Variants in GPR158 observed in about 807,000 individuals in gnomAD.
The protein encoded by GPR158 is G protein-coupled receptor 158.
In GPR158, 30 loss-of-function variants were observed where a neutral mutation model predicts 78.2. That is an observed-to-expected ratio of 0.38 (90% CI 0.29 to 0.52). The LOEUF is 0.52. GPR158 is among the 20% of genes least tolerant of loss of function. The pLI is 0.83. For synonymous variants in GPR158, 581 were observed against 591.1 expected (o/e 0.98, Z 0.25); for missense variants, 1,463 against 1,523.5 (o/e 0.96, Z 0.66).
intron 1 of GPR158, among the ~76,000 whole-genome samples, chr10:25,204,161 A>G (rs1247356748): frequency 6.6e-6 from 1 of 152,156 alleles, no homozygotes; most frequent in Admixed American, 6.6e-5. Context: ...GGGCTGAGAC[A>G]ATGGGGTTTT....
At chr10:25,545,732 A>G (rs1836654292) in intron 5 of GPR158, among the ~76,000 whole-genome samples, 1 of 152,076 alleles carries the variant, frequency 6.6e-6, no homozygotes, top group African/African-American at 2.4e-5. Flanking sequence ...TCCAAAAATG[A>G]ACATATTATT....
rs149862072 is a variant in GPR158, at chr10:25,233,200, C to T, written c.1008+12043C>T. On this transcript the variant is annotated intron_variant, in intron 2 of 10. Transcript: ENST00000376351. ...TCTTTATTCTAAATATGTGGGTATC[C>T]ACTTTATTTTTATAGCTCTTCAGGA... Among the ~76,000 whole-genome samples the T allele has an allele frequency of 7.2e-5, 11 of 152,228 alleles. No individual in the cohort carries two copies. The East Asian group carries it at 2.1e-3, about 29-fold the overall frequency.
rs1182135846 is a variant in GPR158, at chr10:25,252,895, G to C, written c.1008+31738G>C. Among the ~76,000 whole-genome samples, 1,509 of 152,254 alleles carry C rather than the reference G, an allele frequency of 9.9e-3. 5 individuals are homozygous for C. The highest frequency in any genetic ancestry group is 0.055 in the South Asian group (263 of 4,814). On this transcript the variant is annotated intron_variant, in intron 2 of 10. Coordinates refer to ENST00000376351, the MANE Select transcript of GPR158 (RefSeq NM_020752.3). ...TACCTAAGCAAGCCTGGGCAATGGC[G>C]GGCGCCCCTCCCCCAGCCTCGCTGC...
At chr10:25,418,700 G>A (rs902564646) in intron 4 of GPR158, among the ~76,000 whole-genome samples, 2 of 76,804 alleles carry the variant, frequency 2.6e-5, no homozygotes, top group Non-Finnish European at 3.4e-5. Context: ...TTTATTTTCA[G>A]ATGGAAATTT....
At chr10:25,269,824 A>G (rs1464673013) in intron 2 of GPR158, among the ~76,000 whole-genome samples, 1 of 152,200 alleles carries the variant, frequency 6.6e-6, no homozygotes, top group East Asian at 1.9e-4. Flanking sequence ...AGATCCTGAT[A>G]TCCAAAAGTG....
rs1201570502 is a variant in GPR158 at position 25,238,484 on chromosome 10, A to G, written c.1008+17327A>G. 6.6e-5 allele frequency among the ~76,000 whole-genome samples: 10 copies of G among 152,238 alleles called. 1 individual carries two copies. The highest frequency in any genetic ancestry group is 2.4e-4 in the African/African-American group (10 of 41,472). On this transcript the variant is annotated intron_variant, in intron 2 of 10. Coordinates refer to ENST00000376351, the MANE Select transcript of GPR158 (RefSeq NM_020752.3). ...CTTTTATATACATTTGAAAAACAAG[A>G]CATAAATGGTCAAGGTGTGTTTTTA...
chr10:25,175,558 C>T lies in GPR158; in HGVS notation c.138C>T (p.Ala46=). The stretch of plus-strand genomic sequence containing the variant: ...GGACCCCGAAGGGGAAGCCGCACGC[C>T]CAGCAGCCGGGTCGAGCCTCTGCCT... ...RERTPKGKPH[A]QQPGRASASD... The change falls in exon 1 of 11, where the codon GCC becomes GCT. Residue 46 remains alanine, a synonymous_variant. Transcript: ENST00000376351. The surrounding 1 kb of genome is among the most constrained non-coding windows in gnomAD (Gnocchi z 6.4). The T allele has an allele frequency of 1.2e-6, 2 of 1,611,354 alleles. No individual in the cohort carries two copies. Among genetic ancestry groups the T allele is most frequent in the Non-Finnish European group, 1.7e-6 (2 of 1,179,840 alleles).
intron 4 of GPR158, among the ~76,000 whole-genome samples, chr10:25,444,456 ATG>A (rs1835111336): frequency 1.3e-5 from 2 of 149,632 alleles, no homozygotes; most frequent in African/African-American, 4.9e-5. Context: ...GTGTGAGTGT[ATG>A]TGGGTGTGTG....
chr10:25,408,443 A>C (rs1460611982), intron 3 of GPR158, among the ~76,000 whole-genome samples: 1 of 152,174 alleles, frequency 6.6e-6, no homozygotes, highest in Admixed American at 6.5e-5. Context: ...CATCTTGTCC[A>C]GAAGGGGGAA....
intron 5 of GPR158, among the ~76,000 whole-genome samples, chr10:25,508,767 C>A (rs891433365): frequency 6.6e-6 from 1 of 152,116 alleles, no homozygotes; most frequent in African/African-American, 2.4e-5. Flanking sequence ...TGCTTACTTA[C>A]AGGAAAGAAG....
chr10:25,494,803 T>C (rs564117159), intron 5 of GPR158, among the ~76,000 whole-genome samples: 3 of 152,314 alleles, frequency 2.0e-5, no homozygotes, highest in East Asian at 3.9e-4. Flanking sequence ...ATGGACTCTT[T>C]TAAGTTTAAA....
chr10:25,531,667 A>C (rs778986793), intron 5 of GPR158, among the ~76,000 whole-genome samples: 1 of 152,198 alleles, frequency 6.6e-6, no homozygotes, highest in Non-Finnish European at 1.5e-5. Flanking sequence ...ATTTATAAGG[A>C]TCTGGTAGGA....
intron 2 of GPR158, among the ~76,000 whole-genome samples, chr10:25,277,459 G>GAA (rs57381086): frequency 2.0e-5 from 3 of 151,344 alleles, no homozygotes; most frequent in Admixed American, 1.3e-4. Context: ...GACTTTGGGG[G>GAA]AAAAAAGCAA....
At chr10:25,590,479 A>G (rs536216762) in intron 8 of GPR158, among the ~76,000 whole-genome samples, 2 of 152,296 alleles carry the variant, frequency 1.3e-5, no homozygotes, top group Admixed American at 6.5e-5. Flanking sequence ...TCAGTCAACA[A>G]TATCTTGAGC....
intron 5 of GPR158, among the ~76,000 whole-genome samples, chr10:25,478,089 G>A (rs1204510542): frequency 6.6e-6 from 1 of 152,142 alleles, no homozygotes; most frequent in African/African-American, 2.4e-5. Flanking sequence ...AAGCTGCCCA[G>A]TGTGCATATT....
Position 25,431,160 on chromosome 10 carries a change from T to G in GPR158, c.1335+18687T>G, listed in dbSNP as rs1173036016. 1.1e-4 allele frequency among the ~76,000 whole-genome samples: 8 copies of G among 72,090 alleles called. 2 individuals carry two copies. The highest frequency in any genetic ancestry group is 2.1e-4 in the African/African-American group (5 of 23,834). 47.3% of individuals were successfully genotyped at this position (72,090 alleles called of 152,430 possible). ...GAATCTACAATGAACTCAAACAAAT[T>G]TACAAGAAAAAAACAACCCCATCAA... On this transcript the variant is annotated intron_variant, in intron 4 of 10. Transcript: ENST00000376351.
intron 2 of GPR158, among the ~76,000 whole-genome samples, chr10:25,378,089 G>A (rs573704568): frequency 1.4e-4 from 21 of 152,034 alleles, no homozygotes; most frequent in Non-Finnish European, 2.8e-4. Flanking sequence ...TCTCATAGTG[G>A]TTCCTGGTTA....
chr10:25,516,437 T>C (rs1356818384), intron 5 of GPR158, among the ~76,000 whole-genome samples: 1 of 152,062 alleles, frequency 6.6e-6, no homozygotes, highest in East Asian at 1.9e-4. Flanking sequence ...GGACGTGAAG[T>C]CCTTGCCCAT....
chr10:25,205,177 T>C (rs1205975878), intron 1 of GPR158, among the ~76,000 whole-genome samples: 1 of 152,102 alleles, frequency 6.6e-6, no homozygotes, highest in African/African-American at 2.4e-5. Context: ...TTTTTCTTTA[T>C]AAATTACCAA....
Sources: allele counts gnomAD v4.1 joint callset (sites outside exome capture counted in the v4.1 genomes callset), GRCh38; gene constraint gnomAD v4.1.1; non-coding constraint Gnocchi (gnomAD v3.1); transcripts MANE v1.5; gene names NCBI Gene and HGNC (gene_info 2026-07-23, HGNC 2026-07-21).